UBE2R2: variants seen among roughly 807,000 people sequenced by gnomAD.
UBE2R2 encodes ubiquitin conjugating enzyme E2 R2, also known as ubiquitin-conjugating enzyme E2 R2.
Under a neutral mutation model 27.8 loss-of-function variants are expected in UBE2R2, and 1 was observed. That is an observed-to-expected ratio of 0.04 (90% CI 0.01 to 0.17). The LOEUF (loss-of-function observed/expected upper bound fraction) is 0.17, where lower values mean the gene tolerates loss of function less well. Ranked by LOEUF, UBE2R2 falls within the 10% of genes least tolerant of loss-of-function variation. The pLI is 1.00. For synonymous variants in UBE2R2, 106 were observed against 113.3 expected, an observed-to-expected ratio of 0.94 and a Z score of 0.41; for missense variants, 100 against 291.0, an observed-to-expected ratio of 0.34 and a Z score of 4.78.
At chr9:33,907,864 T>C (rs1822394227) in intron 3 of UBE2R2, among the ~76,000 whole-genome samples, 1 of 152,190 alleles carries the variant, frequency 6.6e-6, no homozygotes, top group African/African-American at 2.4e-5. Flanking sequence ...GTTTCGCTCT[T>C]GTTGCCCAGG....
At chr9:33,870,891 C>T (rs1224481150) in intron 1 of UBE2R2, among the ~76,000 whole-genome samples, 2 of 152,142 alleles carry the variant, frequency 1.3e-5, no homozygotes, top group Non-Finnish European at 2.9e-5. Flanking sequence ...TTTTCTTTCT[C>T]CTCAATCCCA....
chr9:33,838,968 G>T (rs568146151), intron 1 of UBE2R2, among the ~76,000 whole-genome samples: 3 of 151,808 alleles, frequency 2.0e-5, no homozygotes, highest in Non-Finnish European at 2.9e-5. Context: ...TGTAATCCCA[G>T]CTACTCGGGA....
chr9:33,826,074 T>C (rs1277121435), intron 1 of UBE2R2, among the ~76,000 whole-genome samples: 1 of 148,522 alleles, frequency 6.7e-6, no homozygotes, highest in Non-Finnish European at 1.5e-5. Context: ...ACCCAGGAGG[T>C]GCAGGTTTGC....
chr9:33,857,848 G>T (rs1821144301), intron 1 of UBE2R2, among the ~76,000 whole-genome samples: 1 of 152,100 alleles, frequency 6.6e-6, no homozygotes, highest in Non-Finnish European at 1.5e-5. Flanking sequence ...AGAGTTTATT[G>T]TTCATTTGTC....
At chr9:33,869,909 C>T (rs955332354) in intron 1 of UBE2R2, among the ~76,000 whole-genome samples, 5 of 152,040 alleles carry the variant, frequency 3.3e-5, no homozygotes, top group South Asian at 2.1e-4. Context: ...TGCAATGGCG[C>T]GATCTCGGCT....
In UBE2R2 at chr9:33,817,238, AGCCCCCGCC is replaced by A. The variant is rs987780858; in HGVS notation, c.-516_-508del. Among the ~76,000 whole-genome samples, 14 of 96,642 alleles carry A rather than the reference AGCCCCCGCC, an allele frequency of 1.4e-4. No homozygotes were observed. Among genetic ancestry groups the A allele is most frequent in the African/African-American group, 2.7e-4 (7 of 25,778 alleles). The allele number at this position is 96,642 out of a possible 152,430, so 63.4% of individuals were successfully genotyped here. ...TCCGCCGTCGCCCCTCCCCCCGCGC[AGCCCCCGCC>A]GCCACCGCCGCGAGACCCCCGCACG... On this transcript the variant is annotated 5_prime_UTR_variant, in exon 1 of 5. Transcript: ENST00000263228.
At chr9:33,830,394 T>G (rs1442520006) in intron 1 of UBE2R2, among the ~76,000 whole-genome samples, 1 of 148,918 alleles carries the variant, frequency 6.7e-6, no homozygotes, top group Non-Finnish European at 1.5e-5. Flanking sequence ...TGACCTCATG[T>G]GATCTGCCCG....
intron 1 of UBE2R2, among the ~76,000 whole-genome samples, chr9:33,825,259 T>G (rs901741894): frequency 6.8e-6 from 1 of 147,584 alleles, no homozygotes; most frequent in African/African-American, 2.5e-5. Context: ...TTTTTTTTTT[T>G]TTTTGAGACA....
At chr9:33,887,849 G>A (rs533974480) in intron 2 of UBE2R2, among the ~76,000 whole-genome samples, 1 of 152,230 alleles carries the variant, frequency 6.6e-6, no homozygotes, top group South Asian at 2.1e-4. Context: ...GCTAATTTTT[G>A]TATTTTTAGT....
chr9:33,885,895 C>T (rs952094085), intron 1 of UBE2R2, among the ~76,000 whole-genome samples: 3 of 152,132 alleles, frequency 2.0e-5, no homozygotes, highest in African/African-American at 7.2e-5. Context: ...ACGTTCACTG[C>T]AGCAGGATTT....
At chr9:33,884,444 T>A (rs1002823167) in intron 1 of UBE2R2, among the ~76,000 whole-genome samples, 2 of 151,668 alleles carry the variant, frequency 1.3e-5, no homozygotes, top group African/African-American at 2.4e-5. Context: ...CATACCCGAC[T>A]GATTTTTAAA....
rs1488361109 is a variant in UBE2R2, at chr9:33,826,679, A to C, written c.177+8745A>C. Among the ~76,000 whole-genome samples the C allele has an allele frequency of 9.9e-5, 15 of 152,256 alleles. No homozygotes were observed. The East Asian group carries it at 2.7e-3, about 27-fold the overall frequency. On this transcript the variant is annotated intron_variant, in intron 1 of 4. Coordinates refer to ENST00000263228, the MANE Select transcript of UBE2R2 (RefSeq NM_017811.4). ...ACGCCATTGCACTCCAGTCTGGGCA[A>C]CAGAGTGAGACTCTGTCCCCTGCCG... is the stretch of plus-strand genomic sequence containing the variant.
At chr9:33,898,395 C>T (rs1822171091) in intron 2 of UBE2R2, among the ~76,000 whole-genome samples, 2 of 152,074 alleles carry the variant, frequency 1.3e-5, no homozygotes, top group African/African-American at 2.4e-5. Context: ...CTTCTTTTAT[C>T]TGTAGTAACT....
At chr9:33,916,422 T>G (rs1822643839) in intron 4 of UBE2R2, among the ~76,000 whole-genome samples, 1 of 152,174 alleles carries the variant, frequency 6.6e-6, no homozygotes, top group South Asian at 2.1e-4. Context: ...ATTAAGAGGA[T>G]AATTAAATTA....
intron 1 of UBE2R2, among the ~76,000 whole-genome samples, chr9:33,844,117 A>G (rs1820787709): frequency 6.6e-6 from 1 of 152,244 alleles, no homozygotes; most frequent in Admixed American, 6.5e-5. Flanking sequence ...GTGAGTAACC[A>G]TAAGCTTGAA....
chr9:33,816,790 G>GGGGAGGGCCCCGAGAGCC (rs1825773490), upstream of UBE2R2, among the ~76,000 whole-genome samples: 1 of 152,258 alleles, frequency 6.6e-6, no homozygotes, highest in South Asian at 2.1e-4. Flanking sequence ...GATCCACAGT[G>GGGGAGGGCCCCGAGAGCC]GGGAGGGCCC....
At chr9:33,861,535 T>G (rs1359671965) in intron 1 of UBE2R2, among the ~76,000 whole-genome samples, 2 of 152,072 alleles carry the variant, frequency 1.3e-5, no homozygotes, top group Non-Finnish European at 1.5e-5. Context: ...GAGGTTGCAG[T>G]GAGCTGAGAT....
Position 33,907,417 on chromosome 9 carries a change from A to G in UBE2R2, c.363-4547A>G, listed in dbSNP as rs542132328. On this transcript the variant is annotated intron_variant, in intron 3 of 4. Coordinates refer to ENST00000263228, the MANE Select transcript of UBE2R2 (RefSeq NM_017811.4). The stretch of plus-strand genomic sequence containing the variant: ...CACATTTATTTCTGGGAGTATCTCT[A>G]ACTCCTTGAATGGTGGCAGTGGGAA... Among the ~76,000 whole-genome samples, 12 of 152,332 alleles carry G rather than the reference A, an allele frequency of 7.9e-5. No individual in the cohort carries two copies. The South Asian group carries it at 2.5e-3, about 32-fold the overall frequency.
intron 1 of UBE2R2, among the ~76,000 whole-genome samples, chr9:33,864,785 C>T (rs566903940): frequency 2.0e-5 from 3 of 148,854 alleles, no homozygotes; most frequent in Admixed American, 6.8e-5. Flanking sequence ...AGTACAATGG[C>T]GTGATCTTGG....
Sources: allele counts gnomAD v4.1 joint callset (sites outside exome capture counted in the v4.1 genomes callset), GRCh38; gene constraint gnomAD v4.1.1; transcripts MANE v1.5; gene names NCBI Gene and HGNC (gene_info 2026-07-23, HGNC 2026-07-21).